VRK2: variants seen among roughly 807,000 people sequenced by gnomAD.
The protein encoded by VRK2 is VRK serine/threonine kinase 2.
VRK2 carries 60 observed loss-of-function variants against 57.6 expected under a neutral mutation model. That is an observed-to-expected ratio of 1.04 (90% CI 0.85 to 1.29). VRK2 has a LOEUF of 1.29. Among genes scored for constraint, VRK2 ranks in the 50% most tolerant of loss-of-function variants. VRK2 has a pLI of 0.00. For missense variants in VRK2, 705 were observed against 588.1 expected (o/e 1.20, Z -2.06); for synonymous variants, 231 against 199.2 (o/e 1.16, Z -1.35).
Position 57,969,466 on chromosome 2 carries a change from A to G in VRK2, c.-438-56199A>G, listed in dbSNP as rs990082943. On this transcript the variant is annotated intron_variant, in intron 1 of 15. Coordinates refer to the VRK2 transcript ENST00000417641. ...TACACTTTTAATTTAAAAAAATAAC[A>G]ATTTAGAAGAATAATAAAATTAGGA... 1.2e-4 allele frequency among the ~76,000 whole-genome samples: 19 copies of G among 152,150 alleles called. 1 individual carries two copies. The highest frequency in any genetic ancestry group is 4.6e-4 in the African/African-American group (19 of 41,580).
chr2:58,120,223 C>G (rs945498683), intron 7 of VRK2, among the ~76,000 whole-genome samples: 16 of 71,014 alleles, frequency 2.3e-4, no homozygotes, highest in East Asian at 4.7e-4. Flanking sequence ...CAGAGTCTTG[C>G]TCTGTTGCCC....
At chr2:58,007,503 C>T (rs1423253360) in intron 1 of VRK2, among the ~76,000 whole-genome samples, 2 of 151,964 alleles carry the variant, frequency 1.3e-5, no homozygotes, top group African/African-American at 2.4e-5. Flanking sequence ...AGGCATATGA[C>T]AATCTACTTC....
intron 7 of VRK2, among the ~76,000 whole-genome samples, chr2:58,120,864 G>A (rs1677393921): frequency 6.6e-6 from 1 of 152,168 alleles, no homozygotes; most frequent in African/African-American, 2.4e-5. Flanking sequence ...CAGCCTTGCT[G>A]TAACATCCTC....
chr2:58,123,296 G>C (rs1379632418), intron 8 of VRK2, 63 bp downstream of exon 8: 6 of 1,547,136 alleles, frequency 3.9e-6, no homozygotes, highest in Non-Finnish European at 4.3e-6. Context: ...CAAGGGTAAT[G>C]AGGCTGCATG....
intron 2 of VRK2, among the ~76,000 whole-genome samples, chr2:58,077,301 T>C (rs1000300570): frequency 3.9e-5 from 6 of 152,058 alleles, no homozygotes; most frequent in Non-Finnish European, 7.4e-5. Context: ...CATTGAATCA[T>C]GATTTCCTCC....
rs71394403 is a variant in VRK2 at position 57,933,309 on chromosome 2, C to CTTTTTTTTTTTTTTTT, written c.-439+25477_-439+25492dup. Among the ~76,000 whole-genome samples, 13 of 63,320 alleles carry CTTTTTTTTTTTTTTTT rather than the reference C, an allele frequency of 2.1e-4. 2 individuals carry two copies. The highest frequency in any genetic ancestry group is 7.6e-4 in the African/African-American group (10 of 13,074). The allele number at this position is 63,320 out of a possible 152,430, so 41.5% of individuals were successfully genotyped here. A position where few individuals can be genotyped will look rare whatever the true frequency, so the allele number is the denominator to read the frequency against. On this transcript the variant is annotated intron_variant, in intron 1 of 15. Transcript: ENST00000417641. Reference sequence around the variant, plus strand: ...TGCTATTTCTTATTTCTTTCTTTTTCTTTTTTTTTTTTTTTTTTTTTTGAG... The same window carrying CTTTTTTTTTTTTTTTT: ...TGCTATTTCTTATTTCTTTCTTTTTCTTTTTTTTTTTTTTTTTTTTTTTTTTTTTTTTTTTTTTGAG...
rs146023220 is a variant in VRK2, at chr2:58,131,879, T to G, written c.748T>G (p.Trp250Gly). Residue 250 changes from tryptophan to glycine, a missense_variant, in exon 9 of 13, where the codon TGG (tryptophan) becomes GGG (glycine). Transcript: ENST00000340157. The stretch of plus-strand genomic sequence containing the variant: ...GCGGTGGTTGTGTGGGAAACTTCCC[T>G]GGGAACAGAACCTGAAGGACCCTGT... ...MLRWLCGKLP[W>G]EQNLKDPVAV... 5 of 1,613,962 alleles carry G rather than the reference T, an allele frequency of 3.1e-6. No homozygotes were observed. The African/African-American group carries it at 5.3e-5, about 17-fold the overall frequency.
At chr2:58,122,738 A>G (rs910201400) in intron 7 of VRK2, among the ~76,000 whole-genome samples, 38 of 152,144 alleles carry the variant, frequency 2.5e-4, no homozygotes, top group Admixed American at 2.2e-3. Context: ...TTTATGTTTC[A>G]GGGAGGGGTT....
intron 12 of VRK2, among the ~76,000 whole-genome samples, chr2:58,153,668 G>A (rs1418396508): frequency 2.0e-5 from 3 of 152,034 alleles, no homozygotes; most frequent in Non-Finnish European, 4.4e-5. Context: ...GATGTCTGTT[G>A]TTATCTTTTT....
intron 7 of VRK2, among the ~76,000 whole-genome samples, chr2:58,095,029 C>T (rs1226556234): frequency 6.6e-6 from 1 of 152,176 alleles, no homozygotes; most frequent in African/African-American, 2.4e-5. Context: ...GGCGCGGTGG[C>T]TCACGCCTGT....
intron 2 of VRK2, among the ~76,000 whole-genome samples, chr2:58,059,296 C>T (rs1489147517): frequency 3.3e-5 from 5 of 151,914 alleles, no homozygotes; most frequent in African/African-American, 1.2e-4. Context: ...CATGCCTTTG[C>T]AAAACTGAAT....
chr2:58,064,326 C>T (rs1304510671), intron 2 of VRK2, among the ~76,000 whole-genome samples: 1 of 152,050 alleles, frequency 6.6e-6, no homozygotes, highest in Non-Finnish European at 1.5e-5. Flanking sequence ...TGGCAAACTT[C>T]ATTGCTATCT....
chr2:57,986,234 T>A (rs916068069), intron 1 of VRK2, among the ~76,000 whole-genome samples: 15 of 151,920 alleles, frequency 9.9e-5, no homozygotes, highest in Non-Finnish European at 2.9e-5. Context: ...AAAAAAAGAA[T>A]ACCTACATAA....
At chr2:57,992,612 C>G (rs1224124914) in intron 1 of VRK2, among the ~76,000 whole-genome samples, 2 of 152,194 alleles carry the variant, frequency 1.3e-5, no homozygotes, top group Non-Finnish European at 2.9e-5. Flanking sequence ...TCTCAGCTCA[C>G]TGCAAGCTCC....
intron 1 of VRK2, among the ~76,000 whole-genome samples, chr2:57,992,942 A>T (rs2104088340): frequency 6.6e-6 from 1 of 152,332 alleles, no homozygotes; most frequent in South Asian, 2.1e-4. Flanking sequence ...TTCTGATTTC[A>T]TTTCTGACAC....
rs575339618 is a variant in VRK2 at position 58,114,118 on chromosome 2, T to G, written c.544-8983T>G. 7.2e-5 allele frequency among the ~76,000 whole-genome samples: 11 copies of G among 152,052 alleles called. No individual in the cohort carries two copies. In the East Asian group the frequency reaches 2.1e-3, roughly 29 times the overall value. ...ATGATTGGTGATGGCCTGGATACGG[T>G]TTTGTATGAATTGAAAAACTAAATG... On this transcript the variant is annotated intron_variant, in intron 7 of 12. Transcript: ENST00000340157.
chr2:57,947,912 T>C (rs1424871943), intron 1 of VRK2, among the ~76,000 whole-genome samples: 1 of 152,218 alleles, frequency 6.6e-6, no homozygotes, highest in Admixed American at 6.5e-5. Context: ...ACATTTGGTG[T>C]ATTTTCCTAT....
At chr2:58,047,309 A>ACATGTTAACC (rs1201287960) in intron 1 of VRK2, 3 of 554,530 alleles carry the variant, frequency 5.4e-6, no homozygotes, top group Non-Finnish European at 6.9e-6. Context: ...CAGCCCAGGC[A>ACATGTTAACC]CATGTTAACC....
At chr2:58,103,288 A>G (rs905181121) in intron 7 of VRK2, among the ~76,000 whole-genome samples, 11 of 151,122 alleles carry the variant, frequency 7.3e-5, no homozygotes, top group African/African-American at 2.7e-4. Context: ...AAATTAAAAT[A>G]AAAAAATCAA....
Sources: gnomAD v4.1 joint callset for allele counts (sites outside exome capture counted in the v4.1 genomes callset) on GRCh38, gnomAD v4.1.1 for gene constraint, MANE v1.5 for transcripts, NCBI Gene and HGNC (gene_info 2026-07-23, HGNC 2026-07-21) for gene names.